The following VSTM5 variants were observed in gnomAD, a reference collection of about 807,000 sequenced individuals.
VSTM5 encodes the protein V-set and transmembrane domain containing 5.
VSTM5 carries 21 observed loss-of-function variants against 20.3 expected under a neutral mutation model. The observed-to-expected ratio is 1.03, with a 90% CI of 0.73 to 1.49. VSTM5 has a LOEUF of 1.49. Ranked by LOEUF, VSTM5 falls within the 40% of genes most tolerant of loss-of-function variation. VSTM5 has a pLI of 0.00. For missense variants in VSTM5, 219 were observed against 250.0 expected, an observed-to-expected ratio of 0.88 and a Z score of 0.84; for synonymous variants, 100 against 102.5, an observed-to-expected ratio of 0.98 and a Z score of 0.14.
chr11:93,843,072 C>A (rs1291744881), intron 1 of VSTM5, among the ~76,000 whole-genome samples: 1 of 151,346 alleles, frequency 6.6e-6, no homozygotes, highest in Non-Finnish European at 1.5e-5. Flanking sequence ...GCCTGGGCAA[C>A]AGAGTGACAC....
chr11:93,839,383 C>T (rs894044114), intron 1 of VSTM5, among the ~76,000 whole-genome samples: 18 of 152,326 alleles, frequency 1.2e-4, no homozygotes, highest in African/African-American at 4.1e-4. Flanking sequence ...AGGGAGAGGC[C>T]TGGCACCTCT....
chr11:93,838,828 C>T (rs1944345975), intron 1 of VSTM5, among the ~76,000 whole-genome samples: 1 of 152,056 alleles, frequency 6.6e-6, no homozygotes, highest in Non-Finnish European at 1.5e-5. Flanking sequence ...CAAACAAAAC[C>T]ATACAGGTAA....
intron 1 of VSTM5, among the ~76,000 whole-genome samples, chr11:93,847,971 C>T (rs1408942234): frequency 6.6e-6 from 1 of 152,184 alleles, no homozygotes; most frequent in Non-Finnish European, 1.5e-5. Flanking sequence ...CTCTCTTCCT[C>T]TTCTTATAAG....
At chr11:93,836,355 T>C (rs1944322214) in intron 1 of VSTM5, among the ~76,000 whole-genome samples, 1 of 152,224 alleles carries the variant, frequency 6.6e-6, no homozygotes, top group African/African-American at 2.4e-5. Context: ...TGGCTCTCCA[T>C]TGCTCTAGGA....
chr11:93,834,341 C>T (rs115101348), intron 1 of VSTM5, among the ~76,000 whole-genome samples: 3,329 of 152,276 alleles, frequency 0.022, 114 homozygotes, highest in African/African-American at 0.077. Flanking sequence ...CTGACACTTC[C>T]TTCTGATTTG....
chr11:93,830,954 T>C (rs2212995), intron 1 of VSTM5, among the ~76,000 whole-genome samples: 7,002 of 152,036 alleles, frequency 0.046, 504 homozygotes, highest in African/African-American at 0.16. Context: ...GATGGGGTTT[T>C]GCCATGTTGC....
At chr11:93,827,307 C>T (rs774483715) in intron 1 of VSTM5, among the ~76,000 whole-genome samples, 4 of 152,170 alleles carry the variant, frequency 2.6e-5, no homozygotes, top group Non-Finnish European at 2.9e-5. Context: ...CTCTTGAACC[C>T]AGAAGGCGGA....
At chr11:93,841,759 G>T (rs998638057) in intron 1 of VSTM5, among the ~76,000 whole-genome samples, 1 of 152,206 alleles carries the variant, frequency 6.6e-6, no homozygotes, top group East Asian at 1.9e-4. Context: ...GCCAGGCAGG[G>T]GCTAGTCTGT....
intron 1 of VSTM5, among the ~76,000 whole-genome samples, chr11:93,833,188 A>G (rs1393143018): frequency 2.6e-5 from 4 of 152,216 alleles, no homozygotes; most frequent in Non-Finnish European, 5.9e-5. Flanking sequence ...TTGAGATGAT[A>G]ATGTTTCTGG....
chr11:93,835,253 C>A (rs986233642), intron 1 of VSTM5, among the ~76,000 whole-genome samples: 1 of 151,572 alleles, frequency 6.6e-6, no homozygotes, highest in Non-Finnish European at 1.5e-5. Context: ...AACAAGAACA[C>A]GTCTCTTTAA....
At chr11:93,832,982 G>A (rs553683818) in intron 1 of VSTM5, among the ~76,000 whole-genome samples, 1 of 152,306 alleles carries the variant, frequency 6.6e-6, no homozygotes, top group Admixed American at 6.5e-5. Context: ...ATGACAAAAA[G>A]CAGAAGTCTA....
At position 93,821,180 on chromosome 11, in the gene VSTM5, C is replaced by T. The variant is rs1056147419; in HGVS notation, c.235G>A (p.Val79Met). Reference sequence around the variant, plus strand: ...GCCTGAGTCCCTGGTTTCCACTCCACGATCTTCTGCGTTCCCCAATTGGAT... The same window carrying T: ...GCCTGAGTCCCTGGTTTCCACTCCATGATCTTCTGCGTTCCCCAATTGGAT... ...YSSNWGTQKI[V>M]EWKPGTQANI... The change falls in exon 2 of 4, where the codon GTG becomes ATG. Residue 79 changes from valine (V) to methionine (M), a missense_variant. Val to Met is a conservative substitution (Grantham distance 21). Transcript: ENST00000409977. 3.0e-5 allele frequency: 47 copies of T among 1,552,052 alleles called. No individual in the cohort carries two copies. Among genetic ancestry groups the T allele is most frequent in the South Asian group, 3.6e-5 (3 of 84,068 alleles).
intron 1 of VSTM5, among the ~76,000 whole-genome samples, chr11:93,846,525 C>T (rs1254090861): frequency 6.6e-6 from 1 of 152,214 alleles, no homozygotes; most frequent in East Asian, 1.9e-4. Flanking sequence ...TAGCACTGCA[C>T]ACATCACCCT....
intron 1 of VSTM5, among the ~76,000 whole-genome samples, chr11:93,832,645 T>C (rs78492219): frequency 0.047 from 7,101 of 152,284 alleles, 514 homozygotes; most frequent in African/African-American, 0.16. Context: ...TTCACATATA[T>C]ACAATGGACA....
intron 1 of VSTM5, among the ~76,000 whole-genome samples, chr11:93,830,872 G>A (rs1226634469): frequency 2.0e-5 from 3 of 151,684 alleles, no homozygotes; most frequent in Non-Finnish European, 4.4e-5. Context: ...TCTAGCCTCA[G>A]CTCCTGAGTA....
At chr11:93,838,995 ACTTAGGAGTC>A (rs775765186) in intron 1 of VSTM5, among the ~76,000 whole-genome samples, 2 of 152,194 alleles carry the variant, frequency 1.3e-5, no homozygotes, top group African/African-American at 2.4e-5. Flanking sequence ...CTCCAGCCCC[ACTTAGGAGTC>A]CCTAATGAGT....
At chr11:93,841,892 T>C (rs1944373275) in intron 1 of VSTM5, among the ~76,000 whole-genome samples, 1 of 152,204 alleles carries the variant, frequency 6.6e-6, no homozygotes, top group Non-Finnish European at 1.5e-5. Context: ...AGGCAGTGTG[T>C]GTAGAACAGA....
intron 1 of VSTM5, chr11:93,827,641 A>G (rs1944249756): frequency 6.6e-6 from 1 of 151,702 alleles, no homozygotes; most frequent in Non-Finnish European, 1.5e-5. Context: ...GAAGGTAGTG[A>G]GTTATCTCAA....
chr11:93,843,379 A>G (rs1944386871), intron 1 of VSTM5, among the ~76,000 whole-genome samples: 1 of 152,080 alleles, frequency 6.6e-6, no homozygotes, highest in Non-Finnish European at 1.5e-5. Flanking sequence ...ATGTGAACAC[A>G]GGGGTTGGTC....
Sources: gnomAD v4.1 joint callset for allele counts (sites outside exome capture counted in the v4.1 genomes callset) on GRCh38, gnomAD v4.1.1 for gene constraint, MANE v1.5 for transcripts, NCBI Gene and HGNC (gene_info 2026-07-23, HGNC 2026-07-21) for gene names.